Variants in TTC7B observed in about 807,000 individuals in gnomAD.
TTC7B encodes tetratricopeptide repeat domain 7B, also known as tetratricopeptide repeat protein 7B.
In TTC7B, 28 loss-of-function variants were observed where a neutral mutation model predicts 106.8. The ratio of observed to expected loss-of-function variants is 0.26; its 90% CI spans 0.19 to 0.36. The LOEUF (loss-of-function observed/expected upper bound fraction) is 0.36, where lower values mean the gene tolerates loss of function less well. Ranked by LOEUF, TTC7B falls within the 10% of genes least tolerant of loss-of-function variation. The pLI is 1.00. For synonymous variants in TTC7B, 405 were observed against 430.6 expected (o/e 0.94, Z 0.74); for missense variants, 862 against 1,076.4 (o/e 0.80, Z 2.79).
chr14:90,605,803 C>T, intron 17 of TTC7B: 3 of 1,177,216 alleles, frequency 2.5e-6, no homozygotes, highest in Non-Finnish European at 3.2e-6. Context: ...AAAAAAAAAA[C>T]TTTAGAAACA....
intron 17 of TTC7B, among the ~76,000 whole-genome samples, chr14:90,597,645 T>C (rs773421505): frequency 5.3e-5 from 8 of 150,332 alleles, no homozygotes; most frequent in Non-Finnish European, 1.0e-4. Flanking sequence ...GCAACAAGAG[T>C]GAGATTCCAT....
In TTC7B at chr14:90,657,344, C is replaced by T; in HGVS notation, c.1237-66G>A. 1.3e-6 allele frequency: 2 copies of T among 1,524,898 alleles called. No individual in the cohort carries two copies. The highest frequency in any genetic ancestry group is 1.8e-6 in the Non-Finnish European group (2 of 1,118,968). The allele number at this position is 1,524,898 out of a possible 1,614,324, so 94.5% of individuals were successfully genotyped here. A position where few individuals can be genotyped will look rare whatever the true frequency, so the allele number is the denominator to read the frequency against. On this transcript the variant is annotated intron_variant, in intron 10 of 19. Coordinates refer to ENST00000328459, the MANE Select transcript of TTC7B (RefSeq NM_001010854.2). This position sits in a 1 kb window ranked among gnomAD's most constrained non-coding sequence, Gnocchi z 4.2. ...TGACAGAACCGAATACTACAGCCTTCTCAGAGGGGTTTTTGGTCAGGGTGA... is the reference window on the plus strand; with the variant it reads ...TGACAGAACCGAATACTACAGCCTTTTCAGAGGGGTTTTTGGTCAGGGTGA...
chr14:90,671,061 G>A (rs186711837), intron 9 of TTC7B, among the ~76,000 whole-genome samples: 22 of 152,238 alleles, frequency 1.4e-4, no homozygotes, highest in Admixed American at 6.5e-4. Context: ...AGAAGTCTAC[G>A]GATCCATTTG....
At chr14:90,611,374 C>T (rs781041831) in intron 16 of TTC7B, among the ~76,000 whole-genome samples, 2 of 152,198 alleles carry the variant, frequency 1.3e-5, no homozygotes, top group Non-Finnish European at 2.9e-5. Context: ...ACATTTTTCA[C>T]AGCTCCTCAG....
intron 13 of TTC7B, 108 bp downstream of exon 13, chr14:90,652,732 AG>A (rs1684795282): frequency 1.6e-6 from 2 of 1,275,308 alleles, no homozygotes; most frequent in South Asian, 1.2e-5. Context: ...AAAGACTCTC[AG>A]GGGTAAAACA....
intron 19 of TTC7B, among the ~76,000 whole-genome samples, chr14:90,557,060 C>T (rs963430559): frequency 1.3e-5 from 2 of 152,066 alleles, no homozygotes; most frequent in African/African-American, 4.8e-5. Context: ...GGGAGCCCCA[C>T]GGCCTGAGAC....
At chr14:90,561,383 G>C (rs1312114646) in intron 19 of TTC7B, among the ~76,000 whole-genome samples, 2 of 152,248 alleles carry the variant, frequency 1.3e-5, no homozygotes, top group Admixed American at 1.3e-4. Flanking sequence ...AGCAGTCACT[G>C]TTGTTATGGG....
chr14:90,816,182 G>T lies in TTC7B; in HGVS notation c.114C>A (p.Ile38=). 1 of 1,248,874 alleles carries T rather than the reference G, an allele frequency of 8.0e-7. No homozygotes were observed. The highest frequency in any genetic ancestry group is 1.0e-6 in the Non-Finnish European group (1 of 963,952). The allele number at this position is 1,248,874 out of a possible 1,614,324, so 77.4% of individuals were successfully genotyped here. ...ELVKQLSAKL[I]ANDDMAELLL... ...GGCGCGCCCGGAGCGTACCGTTGGC[G>T]ATGAGCTTGGCCGACAGCTGCTTGA... The change falls in exon 1 of 20, where the codon ATC becomes ATA. Residue 38 remains isoleucine (I), a synonymous_variant. Transcript: ENST00000328459.
In TTC7B at chr14:90,755,262, G is replaced by A. The variant is rs183246263; in HGVS notation, c.446-10340C>T. On this transcript the variant is annotated intron_variant, in intron 3 of 19. Coordinates refer to ENST00000328459, the MANE Select transcript of TTC7B (RefSeq NM_001010854.2). Reference sequence around the variant, plus strand: ...TAGACATATACCTAGGGTGGACCACGTGGTAACCTGTCTTGTTATATTATT... The same window carrying A: ...TAGACATATACCTAGGGTGGACCACATGGTAACCTGTCTTGTTATATTATT... 4.9e-4 allele frequency among the ~76,000 whole-genome samples: 74 copies of A among 152,304 alleles called. 2 individuals are homozygous for A. In the East Asian group the frequency reaches 0.011, roughly 23 times the overall value.
intron 1 of TTC7B, among the ~76,000 whole-genome samples, chr14:90,787,848 C>T (rs1467323591): frequency 6.6e-6 from 1 of 152,144 alleles, no homozygotes; most frequent in East Asian, 1.9e-4. Context: ...AACTCAAGAA[C>T]TCATTAGACA....
intron 16 of TTC7B, among the ~76,000 whole-genome samples, 178 bp downstream of exon 16, chr14:90,617,751 G>A (rs1336084121): frequency 1.3e-5 from 2 of 152,208 alleles, no homozygotes; most frequent in African/African-American, 4.8e-5. Flanking sequence ...CAGCCACTGG[G>A]AAAACAGCCC....
At chr14:90,601,972 G>A in intron 17 of TTC7B, 1 of 351,382 alleles carries the variant, frequency 2.8e-6, no homozygotes, top group South Asian at 2.2e-5. Context: ...CTTTTATGAA[G>A]CACCTAATGT....
At chr14:90,707,161 A>C (rs1263536843) in intron 5 of TTC7B, among the ~76,000 whole-genome samples, 4 of 152,226 alleles carry the variant, frequency 2.6e-5, no homozygotes, top group African/African-American at 9.6e-5. Context: ...TTTCAGAATA[A>C]TACTAATAAT....
chr14:90,674,042 T>A (rs1888584817), intron 9 of TTC7B, among the ~76,000 whole-genome samples: 1 of 152,038 alleles, frequency 6.6e-6, no homozygotes, highest in Non-Finnish European at 1.5e-5. Flanking sequence ...ACGTACTAAA[T>A]GCCACTGAAT....
intron 18 of TTC7B, among the ~76,000 whole-genome samples, chr14:90,592,998 T>C (rs74795505): frequency 0.015 from 2,216 of 152,316 alleles, 49 homozygotes; most frequent in African/African-American, 0.052. Context: ...TCTCAGGGAC[T>C]CCAAGAATTC....
chr14:90,736,283 A>C (rs142165898), intron 4 of TTC7B, among the ~76,000 whole-genome samples: 112 of 152,000 alleles, frequency 7.4e-4, no homozygotes, highest in African/African-American at 2.5e-3. Context: ...CTGTTTTTTT[A>C]AAAAAAGGGG....
At chr14:90,775,718 TCTC>T (rs1349873186) in intron 3 of TTC7B, among the ~76,000 whole-genome samples, 1 of 151,976 alleles carries the variant, frequency 6.6e-6, no homozygotes, top group Non-Finnish European at 1.5e-5. Flanking sequence ...GCAAGTCCCT[TCTC>T]CTCTCTGGCA....
intron 3 of TTC7B, among the ~76,000 whole-genome samples, chr14:90,745,311 A>AG (rs1206407234): frequency 1.5e-4 from 22 of 148,358 alleles, no homozygotes; most frequent in African/African-American, 5.7e-4. Context: ...AAAAAAAAAA[A>AG]AAAAGAAGAA....
At chr14:90,592,264 G>A (rs1012072267) in intron 18 of TTC7B, among the ~76,000 whole-genome samples, 8 of 152,312 alleles carry the variant, frequency 5.3e-5, no homozygotes, top group African/African-American at 1.7e-4. Flanking sequence ...CACTGTAAGA[G>A]TCAAGCCTGA....
Sources: gnomAD v4.1 joint callset for allele counts (sites outside exome capture counted in the v4.1 genomes callset) on GRCh38, gnomAD v4.1.1 for gene constraint, Gnocchi (gnomAD v3.1) non-coding constraint, MANE v1.5 for transcripts, NCBI Gene and HGNC (gene_info 2026-07-23, HGNC 2026-07-21) for gene names.